The following PTPRO variants were observed in gnomAD, a reference collection of about 807,000 sequenced individuals.
PTPRO encodes the protein protein tyrosine phosphatase receptor type O.
A neutral mutation model predicts 145.2 loss-of-function variants in PTPRO; 62 were observed. That is an observed-to-expected ratio of 0.43 (90% confidence interval 0.35 to 0.53). The LOEUF (loss-of-function observed/expected upper bound fraction) is 0.53, where lower values mean the gene tolerates loss of function less well. Among genes scored for constraint, PTPRO ranks in the 20% least tolerant of loss-of-function variants. The pLI is 0.01. For missense variants in PTPRO, 1,345 were observed against 1,482.7 expected (o/e 0.91, Z 1.53); for synonymous variants, 565 against 514.7 (o/e 1.10, Z -1.32).
chr12:15,531,949 A>G (rs562884627), intron 12 of PTPRO, among the ~76,000 whole-genome samples: 201 of 152,256 alleles, frequency 1.3e-3, no homozygotes, highest in African/African-American at 4.8e-3. Context: ...AGTAAAGACT[A>G]ATTCGTGGTT....
In PTPRO at chr12:15,516,925, TAGC is replaced by T. The variant is rs773520748; in HGVS notation, c.1753_1755del (p.Ala585del). Reference sequence around the variant, plus strand: ...TCAGAGTGGACCACCTACTATGAAATAGCAGCAACTGTTTCCTTAACTGCATCC... The same window carrying T: ...TCAGAGTGGACCACCTACTATGAAATAGCAACTGTTTCCTTAACTGCATCC... On this transcript the variant is annotated inframe_deletion, in exon 9 of 27. Transcript: ENST00000281171. 2.4e-5 allele frequency: 39 copies of T among 1,613,840 alleles called. No homozygotes were observed. The highest frequency in any genetic ancestry group is 1.2e-5 in the Non-Finnish European group (14 of 1,179,812).
At chr12:15,394,379 T>A (rs930741970) in intron 1 of PTPRO, among the ~76,000 whole-genome samples, 1 of 152,002 alleles carries the variant, frequency 6.6e-6, no homozygotes, top group African/African-American at 2.4e-5. Flanking sequence ...GACTGAGGGA[T>A]CACATCCACC....
At chr12:15,339,906 C>A (rs929751618) in intron 1 of PTPRO, among the ~76,000 whole-genome samples, 1 of 152,140 alleles carries the variant, frequency 6.6e-6, no homozygotes, top group Non-Finnish European at 1.5e-5. Context: ...ATGTACATAA[C>A]CATGCCACCA....
At chr12:15,497,805 A>G (rs1231362982) in intron 3 of PTPRO, among the ~76,000 whole-genome samples, 2 of 152,234 alleles carry the variant, frequency 1.3e-5, no homozygotes, top group Non-Finnish European at 2.9e-5. Flanking sequence ...TCACTTGGAG[A>G]TGATCCAACA....
intron 10 of PTPRO, among the ~76,000 whole-genome samples, chr12:15,524,359 C>G (rs1312820151): frequency 6.6e-6 from 1 of 152,060 alleles, no homozygotes; most frequent in Non-Finnish European, 1.5e-5. Context: ...CCCTTGTATC[C>G]TACTGTTCTT....
At chr12:15,422,541 G>A (rs950497657) in intron 1 of PTPRO, among the ~76,000 whole-genome samples, 2 of 152,132 alleles carry the variant, frequency 1.3e-5, no homozygotes, top group Admixed American at 6.5e-5. Context: ...ACGGGATAAA[G>A]TTCGGACAAA....
intron 1 of PTPRO, among the ~76,000 whole-genome samples, chr12:15,428,188 G>A (rs1330785713): frequency 6.6e-6 from 1 of 152,150 alleles, no homozygotes; most frequent in Non-Finnish European, 1.5e-5. Context: ...TTTGGCAAAG[G>A]ATGAGGTAAA....
At chr12:15,475,683 G>A (rs991186563) in intron 1 of PTPRO, among the ~76,000 whole-genome samples, 9 of 151,746 alleles carry the variant, frequency 5.9e-5, no homozygotes, top group African/African-American at 1.5e-4. Context: ...ATCAGCTCTC[G>A]GTGAATTTGA....
At chr12:15,533,001 A>G (rs992907628) in intron 12 of PTPRO, among the ~76,000 whole-genome samples, 1 of 152,202 alleles carries the variant, frequency 6.6e-6, no homozygotes, top group Non-Finnish European at 1.5e-5. Flanking sequence ...TAGTGGGCCT[A>G]TTGGATACTT....
chr12:15,407,554 C>T (rs971682254), intron 1 of PTPRO, among the ~76,000 whole-genome samples: 1 of 152,116 alleles, frequency 6.6e-6, no homozygotes, highest in Non-Finnish European at 1.5e-5. Context: ...GCCAAAGCAG[C>T]AGAACAACTA....
intron 1 of PTPRO, among the ~76,000 whole-genome samples, chr12:15,458,750 T>C (rs1941237044): frequency 6.6e-6 from 1 of 152,054 alleles, no homozygotes; most frequent in South Asian, 2.1e-4. Flanking sequence ...TGTTCATGCA[T>C]GTTCTATTGA....
chr12:15,361,000 TGTGTTTTAACTTATAAACATATAG>T (rs1176132983), intron 1 of PTPRO, among the ~76,000 whole-genome samples: 1 of 139,426 alleles, frequency 7.2e-6, no homozygotes, highest in African/African-American at 2.6e-5. Flanking sequence ...ATAGTGTGTG[TGTGTTTTAACTTATAAACATATAG>T]GTATATGTTT....
intron 1 of PTPRO, among the ~76,000 whole-genome samples, chr12:15,364,820 C>T (rs10160901): frequency 0.24 from 35,942 of 152,044 alleles, 4,434 homozygotes; most frequent in Non-Finnish European, 0.27. Context: ...CACTGAATCC[C>T]GGAATCACTG....
chr12:15,410,760 T>G (rs1449611707), intron 1 of PTPRO: 6 of 152,346 alleles, frequency 3.9e-5, no homozygotes, highest in Non-Finnish European at 8.8e-5. Context: ...AAATTTAAGA[T>G]AGCTTAGGAT....
At chr12:15,538,698 T>C (rs1387950388) in intron 12 of PTPRO, among the ~76,000 whole-genome samples, 2 of 152,208 alleles carry the variant, frequency 1.3e-5, no homozygotes, top group Non-Finnish European at 2.9e-5. Context: ...TCTGGAAAAG[T>C]TGGTCTTCTA....
intron 2 of PTPRO, 119 bp from the exon 3 acceptor site, chr12:15,497,122 CACAG>C: frequency 1.1e-6 from 1 of 884,234 alleles, no homozygotes; most frequent in Non-Finnish European, 1.9e-6. Flanking sequence ...GTTTAGTGCC[CACAG>C]ACAGTGAAAA....
chr12:15,553,515 G>T (rs968766801), intron 15 of PTPRO, among the ~76,000 whole-genome samples: 1 of 152,156 alleles, frequency 6.6e-6, no homozygotes, highest in Non-Finnish European at 1.5e-5. Context: ...GTAGGAGCAC[G>T]ACTGGGATGT....
At chr12:15,438,401 C>A (rs1025440771) in intron 1 of PTPRO, among the ~76,000 whole-genome samples, 2 of 151,856 alleles carry the variant, frequency 1.3e-5, no homozygotes, top group African/African-American at 4.8e-5. Flanking sequence ...AAATTCAAAG[C>A]GTGGATTGCA....
At chr12:15,470,896 T>C (rs1941524301) in intron 1 of PTPRO, among the ~76,000 whole-genome samples, 1 of 152,326 alleles carries the variant, frequency 6.6e-6, no homozygotes, top group Non-Finnish European at 1.5e-5. Context: ...CCTGCCAATG[T>C]ATTTTCTTTG....
Sources: gnomAD v4.1 joint callset for allele counts (sites outside exome capture counted in the v4.1 genomes callset) on GRCh38, gnomAD v4.1.1 for gene constraint, MANE v1.5 for transcripts, NCBI Gene and HGNC (gene_info 2026-07-23, HGNC 2026-07-21) for gene names.